Variants in NFIA observed in about 807,000 individuals in gnomAD.
NFIA encodes the protein nuclear factor I A.
In NFIA, 8 loss-of-function variants were observed where a neutral mutation model predicts 62.8. The observed-to-expected ratio is 0.13, with a 90% CI of 0.07 to 0.23. The LOEUF is 0.23. Among genes scored for constraint, NFIA ranks in the 10% least tolerant of loss-of-function variants. The probability of loss-of-function intolerance (pLI) is 1.00; values close to 1 mark genes in which losing one functional copy is unlikely to be tolerated. For synonymous variants in NFIA, 235 were observed against 238.1 expected, an observed-to-expected ratio of 0.99 and a Z score of 0.12; for missense variants, 410 against 642.1, an observed-to-expected ratio of 0.64 and a Z score of 3.91.
intron 2 of NFIA, among the ~76,000 whole-genome samples, chr1:61,133,331 T>A (rs541736888): frequency 1.3e-5 from 2 of 151,906 alleles, no homozygotes; most frequent in Non-Finnish European, 2.9e-5. Context: ...AATATTTATA[T>A]GTGGTCTTAA....
At chr1:61,241,987 G>T (rs1423931642) in intron 2 of NFIA, among the ~76,000 whole-genome samples, 1 of 152,138 alleles carries the variant, frequency 6.6e-6, no homozygotes, top group Non-Finnish European at 1.5e-5. Context: ...ACTTCGGGCT[G>T]TGCCTTTTTG....
chr1:61,090,365 A>G (rs1055592627), intron 2 of NFIA, among the ~76,000 whole-genome samples: 4 of 152,234 alleles, frequency 2.6e-5, no homozygotes, highest in Non-Finnish European at 4.4e-5. Flanking sequence ...CCAACAGGTG[A>G]TGCAGATCAT....
intron 2 of NFIA, among the ~76,000 whole-genome samples, chr1:61,109,158 G>C (rs1248940243): frequency 6.6e-6 from 1 of 151,818 alleles, no homozygotes; most frequent in Non-Finnish European, 1.5e-5. Context: ...GTTAAGACTT[G>C]AATAGATTAC....
At chr1:61,243,957 A>ATTTTAC (rs903869436) in intron 2 of NFIA, among the ~76,000 whole-genome samples, 15 of 152,256 alleles carry the variant, frequency 9.9e-5, no homozygotes, top group African/African-American at 2.6e-4. Flanking sequence ...CAAAGTGAGT[A>ATTTTAC]TTTTACTTTA....
chr1:61,330,828 A>G (rs369928245), intron 3 of NFIA, among the ~76,000 whole-genome samples: 6 of 152,290 alleles, frequency 3.9e-5, no homozygotes, highest in East Asian at 3.9e-4. Context: ...AGATTTTCCT[A>G]TTCATCTATG....
Position 61,088,694 on chromosome 1 carries a change from T to TGA in NFIA, c.559+17_559+18dup. On this transcript the variant is annotated intron_variant, in intron 2 of 10. Coordinates refer to ENST00000403491, the MANE Select transcript of NFIA (RefSeq NM_001134673.4). The surrounding 1 kb of genome is among the most constrained non-coding windows in gnomAD (Gnocchi z 4.5). Reference sequence around the variant, plus strand: ...TGCATGCAGCAGGTAAGTGCGATGGTGAGAATTCCTCCCACTTTCTTGTGT... The same window carrying TGA: ...TGCATGCAGCAGGTAAGTGCGATGGTGAGAGAATTCCTCCCACTTTCTTGTGT... 1 of 1,596,688 alleles carries TGA rather than the reference T, an allele frequency of 6.3e-7. No individual in the cohort carries two copies. Among genetic ancestry groups the TGA allele is most frequent in the Non-Finnish European group, 8.5e-7 (1 of 1,170,790 alleles).
chr1:61,120,326 A>G (rs1290775331), intron 2 of NFIA, among the ~76,000 whole-genome samples: 2 of 152,218 alleles, frequency 1.3e-5, no homozygotes, highest in African/African-American at 2.4e-5. Flanking sequence ...AACTTGATAT[A>G]TTCTTATGGC....
chr1:61,083,739 G>T (rs1291967220), intron 1 of NFIA, among the ~76,000 whole-genome samples: 2 of 151,096 alleles, frequency 1.3e-5, no homozygotes, highest in Non-Finnish European at 3.0e-5. Flanking sequence ...GCGGCGGCCC[G>T]GGCCGGACAC....
intron 2 of NFIA, among the ~76,000 whole-genome samples, chr1:61,126,319 G>A (rs569399893): frequency 4.5e-4 from 69 of 151,890 alleles, no homozygotes; most frequent in African/African-American, 1.6e-3. Context: ...GTCCTGATTC[G>A]GCCTCAGGAG....
At chr1:61,125,111 C>A (rs186800837) in intron 2 of NFIA, 17 of 152,124 alleles carry the variant, frequency 1.1e-4, no homozygotes, top group African/African-American at 4.1e-4. Flanking sequence ...ATGTTGATCT[C>A]GTGACAAAAG....
At chr1:61,181,002 T>C (rs1313513237) in intron 2 of NFIA, among the ~76,000 whole-genome samples, 1 of 152,170 alleles carries the variant, frequency 6.6e-6, no homozygotes, top group Admixed American at 6.5e-5. Context: ...GAGCTAAAAT[T>C]TTTATTATTG....
chr1:61,210,100 A>G (rs1653151561), intron 2 of NFIA, among the ~76,000 whole-genome samples: 1 of 152,192 alleles, frequency 6.6e-6, no homozygotes, highest in Non-Finnish European at 1.5e-5. Flanking sequence ...GATGGTAGCC[A>G]GGCAAAGTGT....
At chr1:61,160,492 T>C (rs115597148) in intron 2 of NFIA, among the ~76,000 whole-genome samples, 31 of 152,340 alleles carry the variant, frequency 2.0e-4, no homozygotes, top group Non-Finnish European at 4.4e-4. Context: ...ACAGAGAGCC[T>C]ATCTGTGTGA....
intron 2 of NFIA, among the ~76,000 whole-genome samples, chr1:61,172,312 GA>G (rs1022100661): frequency 2.2e-3 from 69 of 30,802 alleles, no homozygotes; most frequent in African/African-American, 3.7e-3. Context: ...AGATGAGTCA[GA>G]TAATGTGGAT....
At chr1:61,304,973 T>C (rs771736816) in intron 3 of NFIA, among the ~76,000 whole-genome samples, 1 of 152,234 alleles carries the variant, frequency 6.6e-6, no homozygotes, top group African/African-American at 2.4e-5. Context: ...TAGCTGCAAC[T>C]ATCATGATCA....
chr1:61,122,712 G>C (rs1454506359), intron 2 of NFIA, among the ~76,000 whole-genome samples: 1 of 152,118 alleles, frequency 6.6e-6, no homozygotes, highest in Non-Finnish European at 1.5e-5. Flanking sequence ...CTGTGTCTAG[G>C]ATTAGACTCT....
At chr1:61,413,862 G>T (rs990389817) in intron 9 of NFIA, among the ~76,000 whole-genome samples, 11 of 151,798 alleles carry the variant, frequency 7.2e-5, no homozygotes, top group Non-Finnish European at 1.3e-4. Context: ...TCCTGACCTT[G>T]TGATCCACCC....
At position 61,162,875 on chromosome 1, in the gene NFIA, A is replaced by G. The variant is rs140319328; in HGVS notation, c.559+74195A>G. Among the ~76,000 whole-genome samples the G allele has an allele frequency of 5.0e-3, 759 of 152,062 alleles. 9 individuals carry two copies. The highest frequency in any genetic ancestry group is 0.017 in the African/African-American group (714 of 41,450). ...AAATGGAAAATGGCTGAGGAAAAAC[A>G]GAGTGAAAGTTTATATAAAATATTT... is the stretch of plus-strand genomic sequence containing the variant. On this transcript the variant is annotated intron_variant, in intron 2 of 10. Coordinates refer to ENST00000403491, the MANE Select transcript of NFIA (RefSeq NM_001134673.4).
chr1:61,347,163 C>T (rs1662271838), intron 4 of NFIA, among the ~76,000 whole-genome samples: 1 of 121,238 alleles, frequency 8.2e-6, no homozygotes, highest in Non-Finnish European at 1.7e-5. Context: ...TCCTGGATCC[C>T]ACTTTTTTTT....
Sources: gnomAD v4.1 joint callset for allele counts (sites outside exome capture counted in the v4.1 genomes callset) on GRCh38, gnomAD v4.1.1 for gene constraint, Gnocchi (gnomAD v3.1) non-coding constraint, MANE v1.5 for transcripts, NCBI Gene and HGNC (gene_info 2026-07-23, HGNC 2026-07-21) for gene names.